Variants in RALGAPA2 observed in about 807,000 individuals in gnomAD.
RALGAPA2 encodes the protein ral GTPase-activating protein subunit alpha-2.
RALGAPA2 carries 139 observed loss-of-function variants against 230.4 expected under a neutral mutation model. That is an observed-to-expected ratio of 0.60 (90% CI 0.53 to 0.69). RALGAPA2 has a LOEUF of 0.69. Among genes scored for constraint, RALGAPA2 ranks in the 30% least tolerant of loss-of-function variants. The pLI, the probability that RALGAPA2 is intolerant of heterozygous loss-of-function variation, is 0.00. For missense variants in RALGAPA2, 2,163 were observed against 2,276.0 expected (o/e 0.95, Z 1.01); for synonymous variants, 847 against 837.8 (o/e 1.01, Z -0.19).
chr20:20,517,653 AC>A (rs2062913221), intron 31 of RALGAPA2, among the ~76,000 whole-genome samples: 1 of 152,214 alleles, frequency 6.6e-6, no homozygotes, highest in African/African-American at 2.4e-5. Context: ...CACCCCGAGT[AC>A]AAAACTACTA....
At chr20:20,489,566 TG>T (rs1353143054) in intron 36 of RALGAPA2, among the ~76,000 whole-genome samples, 1 of 145,758 alleles carries the variant, frequency 6.9e-6, no homozygotes, top group Non-Finnish European at 1.5e-5. Context: ...AAAGTATTCA[TG>T]AAAAAAAAAA....
chr20:20,496,568 T>C (rs575177763), intron 35 of RALGAPA2, among the ~76,000 whole-genome samples: 54 of 152,328 alleles, frequency 3.5e-4, no homozygotes, highest in Non-Finnish European at 6.9e-4. Flanking sequence ...CTTCCTTATC[T>C]AACAGATGAA....
rs1353444558 is a variant in RALGAPA2 at position 20,547,788 on chromosome 20, GC to G, written c.3157-957del. ...GATGAGGATACATTCTAAGAAATGTGCTGTTAGGCAATCTATGATCATCTTG... is the reference window on the plus strand; with the variant it reads ...GATGAGGATACATTCTAAGAAATGTGTGTTAGGCAATCTATGATCATCTTG... On this transcript the variant is annotated intron_variant, in intron 23 of 39. Transcript: ENST00000202677. Among the ~76,000 whole-genome samples, 3 of 152,130 alleles carry G rather than the reference GC, an allele frequency of 2.0e-5. No homozygotes were observed. In the East Asian group the frequency reaches 5.8e-4, roughly 29 times the overall value.
chr20:20,498,549 CG>C (rs1032663547), intron 35 of RALGAPA2, among the ~76,000 whole-genome samples: 1 of 152,154 alleles, frequency 6.6e-6, no homozygotes, highest in Non-Finnish European at 1.5e-5. Context: ...CAGAAGGAGT[CG>C]TCTGTTTGAT....
chr20:20,655,809 G>A (rs2067571079), intron 3 of RALGAPA2, among the ~76,000 whole-genome samples: 1 of 152,184 alleles, frequency 6.6e-6, no homozygotes, highest in Non-Finnish European at 1.5e-5. Context: ...ATATAATAGT[G>A]ATATGCAGGA....
intron 13 of RALGAPA2, among the ~76,000 whole-genome samples, chr20:20,613,806 C>T (rs539888926): frequency 6.6e-6 from 1 of 152,322 alleles, no homozygotes; most frequent in East Asian, 1.9e-4. Context: ...CAGGGCTCTG[C>T]TCAGAAAGGC....
chr20:20,645,778 T>C (rs1177665309), intron 4 of RALGAPA2, among the ~76,000 whole-genome samples: 1 of 152,220 alleles, frequency 6.6e-6, no homozygotes, highest in African/African-American at 2.4e-5. Flanking sequence ...CATCTCACTA[T>C]GCCTGAGTTC....
chr20:20,592,030 A>G (rs990113478), intron 16 of RALGAPA2, among the ~76,000 whole-genome samples: 9 of 152,170 alleles, frequency 5.9e-5, no homozygotes, highest in African/African-American at 1.9e-4. Context: ...TTTAATCTCT[A>G]AAGACCACCC....
At chr20:20,618,768 G>A (rs1392152612) in intron 12 of RALGAPA2, among the ~76,000 whole-genome samples, 1 of 152,200 alleles carries the variant, frequency 6.6e-6, no homozygotes, top group African/African-American at 2.4e-5. Context: ...GGGAGGTTAA[G>A]TAATGTTCCA....
At position 20,505,417 on chromosome 20, in the gene RALGAPA2, T is replaced by C. The variant is rs762807532; in HGVS notation, c.5046A>G (p.Gly1682=). Reference sequence around the variant, plus strand: ...ACTGAATGAAATGCATTACCTCCCATCCAAGTCCAGCAACAAAGTCTTCAT... The same window carrying C: ...ACTGAATGAAATGCATTACCTCCCACCCAAGTCCAGCAACAAAGTCTTCAT... ...QAYEDFVAGL[G]WEVDLSTHCG... is the part of the protein sequence containing the mutation. The change falls in exon 34 of 40, where the codon GGA becomes GGG. Residue 1682 remains glycine (G), a synonymous_variant. Coordinates refer to ENST00000202677, the MANE Select transcript of RALGAPA2 (RefSeq NM_020343.4). 6 of 1,598,550 alleles carry C rather than the reference T, an allele frequency of 3.8e-6. No homozygotes were observed. The highest frequency in any genetic ancestry group is 4.3e-6 in the Non-Finnish European group (5 of 1,172,274).
At position 20,712,349 on chromosome 20, in the gene RALGAPA2, AC is replaced by A. The variant is rs1412869951; in HGVS notation, c.106+25del. Reference sequence around the variant, plus strand: ...CAGGTGCCCCTAACCCGGCGCCCCGACCCCCGCGCCCGGCGCGCGCCTCACC... The same window carrying A: ...CAGGTGCCCCTAACCCGGCGCCCCGACCCCGCGCCCGGCGCGCGCCTCACC... On this transcript the variant is annotated intron_variant, in intron 1 of 39. Transcript: ENST00000202677. The surrounding 1 kb of genome is among the most constrained non-coding windows in gnomAD (Gnocchi z 5.5). 2 of 1,486,080 alleles carry A rather than the reference AC, an allele frequency of 1.3e-6. No individual in the cohort carries two copies. Among genetic ancestry groups the A allele is most frequent in the East Asian group, 2.8e-5 (1 of 35,262 alleles). 92.1% of individuals were successfully genotyped at this position (1,486,080 alleles called of 1,614,324 possible).
At position 20,653,567 on chromosome 20, in the gene RALGAPA2, A is replaced by C; in HGVS notation, c.291T>G (p.Pro97=). 1 of 1,499,686 alleles carries C rather than the reference A, an allele frequency of 6.7e-7. No homozygotes were observed. Among genetic ancestry groups the C allele is most frequent in the South Asian group, 1.2e-5 (1 of 81,302 alleles). 92.9% of individuals were successfully genotyped at this position (1,499,686 alleles called of 1,614,324 possible). A position where few individuals can be genotyped will look rare whatever the true frequency, so the allele number is the denominator to read the frequency against. The change falls in exon 4 of 40, where the codon CCT becomes CCG. Residue 97 remains proline (P), a synonymous_variant. Transcript: ENST00000202677. ...FLFEKILQFL[P]ERIFFRWHYQ... ...AATGCCATCGAAAGAAAATTCGTTC[A>C]GGTAGAAACTGCAGTATTTTCTATT...
chr20:20,611,398 T>A lies in RALGAPA2; in HGVS notation c.1717A>T (p.Ile573Leu), dbSNP rs201646881. The change falls in exon 14 of 40, where the codon ATA (isoleucine) becomes TTA (leucine). Residue 573 changes from isoleucine (I) to leucine (L), a missense_variant. By Grantham distance (5) the Ile-to-Leu change is conservative. Coordinates refer to ENST00000202677, the MANE Select transcript of RALGAPA2 (RefSeq NM_020343.4). ...WEQMLQILLR[I>L]TEAVMQKPKD... ...GGCTTCTGCATGACAGCTTCTGTTATCCTGAGTAGTATTTGCAACATCTGT... is the reference window on the plus strand; with the variant it reads ...GGCTTCTGCATGACAGCTTCTGTTAACCTGAGTAGTATTTGCAACATCTGT... The A allele has an allele frequency of 6.2e-6, 10 of 1,613,314 alleles. No individual in the cohort carries two copies. The highest frequency in any genetic ancestry group is 1.7e-5 in the Admixed American group (1 of 59,990).
chr20:20,475,319 T>G (rs1339366332), intron 36 of RALGAPA2, among the ~76,000 whole-genome samples: 1 of 152,176 alleles, frequency 6.6e-6, no homozygotes, highest in African/African-American at 2.4e-5. Context: ...CTTTATAATT[T>G]TTTTGTAAAT....
chr20:20,512,840 G>T lies in RALGAPA2; in HGVS notation c.4529C>A (p.Ser1510Tyr). The change falls in exon 32 of 40, where the codon TCT becomes TAT. Residue 1510 changes from serine to tyrosine, a missense_variant. By Grantham distance (144) the Ser-to-Tyr change is moderately radical. Transcript: ENST00000202677. ...ATCATCCCCCTCCTCAACTTGAGAA[G>T]AGTCTTTCTGAGGTCCAAATGTGTC... ...HRDTFGPQKD[S>Y]SQVEEGDDVL... The T allele has an allele frequency of 1.2e-6, 2 of 1,613,254 alleles. No individual in the cohort carries two copies. Among genetic ancestry groups the T allele is most frequent in the East Asian group, 2.2e-5 (1 of 44,888 alleles).
chr20:20,682,654 T>G (rs2068561582), intron 1 of RALGAPA2, among the ~76,000 whole-genome samples: 1 of 152,218 alleles, frequency 6.6e-6, no homozygotes, highest in African/African-American at 2.4e-5. Context: ...GAATAATCTG[T>G]CTCGTCTATG....
At position 20,683,448 on chromosome 20, in the gene RALGAPA2, C is replaced by T. The variant is rs555702066; in HGVS notation, c.107-2647G>A. On this transcript the variant is annotated intron_variant, in intron 1 of 39. Transcript: ENST00000202677. ...CCTGCCTGATTTCCCCCACTCAACACGAACTTCACTGCACACCACTCTCCC... is the reference window on the plus strand; with the variant it reads ...CCTGCCTGATTTCCCCCACTCAACATGAACTTCACTGCACACCACTCTCCC... Among the ~76,000 whole-genome samples, 5 of 152,288 alleles carry T rather than the reference C, an allele frequency of 3.3e-5. No individual in the cohort carries two copies. The South Asian group carries it at 8.3e-4, about 25-fold the overall frequency.
chr20:20,639,036 G>A (rs1603161586), intron 7 of RALGAPA2, among the ~76,000 whole-genome samples: 1 of 152,208 alleles, frequency 6.6e-6, no homozygotes, highest in South Asian at 2.1e-4. Context: ...AAAACCTGAA[G>A]TGTGCCCTCC....
chr20:20,441,741 G>C (rs1479477228), intron 37 of RALGAPA2, among the ~76,000 whole-genome samples: 2 of 152,212 alleles, frequency 1.3e-5, no homozygotes, highest in African/African-American at 4.8e-5. Flanking sequence ...AGGTATCCTA[G>C]AGTCATTTAA....
Sources: gnomAD v4.1 joint callset for allele counts (sites outside exome capture counted in the v4.1 genomes callset) on GRCh38, gnomAD v4.1.1 for gene constraint, Gnocchi (gnomAD v3.1) non-coding constraint, MANE v1.5 for transcripts, NCBI Gene and HGNC (gene_info 2026-07-23, HGNC 2026-07-21) for gene names.